ADNP: variants seen among roughly 807,000 people sequenced by gnomAD.
ADNP encodes the protein activity dependent neuroprotector homeobox.
A neutral mutation model predicts 84.9 loss-of-function variants in ADNP; 4 were observed. The observed-to-expected ratio is 0.05, with a 90% CI of 0.02 to 0.11. The LOEUF (loss-of-function observed/expected upper bound fraction) is 0.11, where lower values mean the gene tolerates loss of function less well. Among genes scored for constraint, ADNP ranks in the 10% least tolerant of loss-of-function variants. The pLI is 1.00. For missense variants in ADNP, 1,132 were observed against 1,326.0 expected (o/e 0.85, Z 2.27); for synonymous variants, 554 against 468.1 (o/e 1.18, Z -2.37).
chr20:50,921,397 A>G (rs767048857), intron 2 of ADNP, among the ~76,000 whole-genome samples: 13 of 152,362 alleles, frequency 8.5e-5, no homozygotes, highest in Non-Finnish European at 1.8e-4. Context: ...GCAACTGAAC[A>G]TCTGCAACTA....
intron 2 of ADNP, among the ~76,000 whole-genome samples, chr20:50,920,262 C>CAAAA (rs56181933): frequency 1.9e-3 from 120 of 64,124 alleles, no homozygotes; most frequent in Non-Finnish European, 2.3e-3. Context: ...ATTCCACCTC[C>CAAAA]AAAAAAAAAA....
intron 2 of ADNP, among the ~76,000 whole-genome samples, chr20:50,924,671 G>T (rs547359298): frequency 2.2e-4 from 33 of 152,268 alleles, no homozygotes; most frequent in African/African-American, 7.9e-4. Context: ...CAGCAAGGGG[G>T]CCTTTACACT....
At chr20:50,929,997 A>T (rs544197084) in intron 1 of ADNP, among the ~76,000 whole-genome samples, 1 of 151,914 alleles carries the variant, frequency 6.6e-6, no homozygotes, top group African/African-American at 2.4e-5. Flanking sequence ...GCAGAAGAGG[A>T]AGAGAAGCAA....
rs973394517 is a variant in ADNP, at chr20:50,891,196, A to AC, written c.*208_*209insG. The AC allele has an allele frequency of 1.2e-5, 16 of 1,314,060 alleles. No individual in the cohort carries two copies. In the African/African-American group the frequency reaches 2.3e-4, roughly 19 times the overall value. 81.4% of individuals were successfully genotyped at this position (1,314,060 alleles called of 1,614,324 possible). ...ACCAGCTTATTGGTTTTTCACATTT[A>AC]GTTACCGTGTCTGTCAGAGAAGGTT... On this transcript the variant is annotated 3_prime_UTR_variant, in exon 6 of 6. Transcript: ENST00000621696.
chr20:50,910,748 A>G (rs1982949271), intron 2 of ADNP, among the ~76,000 whole-genome samples: 1 of 152,086 alleles, frequency 6.6e-6, no homozygotes, highest in South Asian at 2.1e-4. Flanking sequence ...TCAATTCTCC[A>G]GGCTCAAGCA....
rs1216885211 is a variant in ADNP at position 50,889,198 on chromosome 20, C to A, written c.*2207G>T. The A allele has an allele frequency of 6.6e-6, 1 of 152,218 alleles. No homozygotes were observed. Among genetic ancestry groups the A allele is most frequent in the Non-Finnish European group, 1.5e-5 (1 of 68,048 alleles). 9.4% of individuals were successfully genotyped at this position (152,218 alleles called of 1,614,324 possible). On this transcript the variant is annotated 3_prime_UTR_variant, in exon 6 of 6. Transcript: ENST00000621696. ...CACCTTAATGAGGAAACACACTTAT[C>A]TGTGTCTGTTCCGATATCCAACTGG...
At chr20:50,902,971 T>C (rs1982131058) in intron 4 of ADNP, among the ~76,000 whole-genome samples, 1 of 152,238 alleles carries the variant, frequency 6.6e-6, no homozygotes, top group African/African-American at 2.4e-5. Context: ...TCTGTTTCCA[T>C]GCCATACTCT....
Position 50,891,423 on chromosome 20 carries a change from C to G in ADNP, c.3291G>C (p.Leu1097=). 1 of 1,607,980 alleles carries G rather than the reference C, an allele frequency of 6.2e-7. No homozygotes were observed. Among genetic ancestry groups the G allele is most frequent in the Non-Finnish European group, 8.5e-7 (1 of 1,177,862 alleles). Residue 1097 remains leucine (L), a synonymous_variant, in exon 6 of 6, where the codon CTG becomes CTC. Coordinates refer to ENST00000621696, the MANE Select transcript of ADNP (RefSeq NM_001282531.3). ...CTGGCACTTAGGCCTGTTGGCTGCT[C>G]AGTTTAACTCCGGCTAAGCTGCCAT... ...PMHGSLAGVK[L]SSQQA
At chr20:50,894,610 T>C in intron 5 of ADNP, 98 bp from the exon 6 acceptor site, 9 of 1,352,140 alleles carry the variant, frequency 6.7e-6, no homozygotes, top group Non-Finnish European at 8.9e-6. Flanking sequence ...TGCATTGATT[T>C]TAGGCCGCGC....
At position 50,891,654 on chromosome 20, in the gene ADNP, T is replaced by C. The variant is rs1980742144; in HGVS notation, c.3060A>G (p.Gln1020=). 1.9e-6 allele frequency: 3 copies of C among 1,614,150 alleles called. No individual in the cohort carries two copies. The highest frequency in any genetic ancestry group is 2.2e-5 in the East Asian group (1 of 44,906). ...TCCATTTCAACTGCTCTCTGTCACC[T>C]TGCATGGTAGCCTTTTTTTTGGCAG... is the stretch of plus-strand genomic sequence containing the variant. ...KPAAKKKATM[Q]GDREQLKWKN... The change falls in exon 6 of 6, where the codon CAA becomes CAG. Residue 1020 remains glutamine, a synonymous_variant. Transcript: ENST00000621696.
intron 2 of ADNP, among the ~76,000 whole-genome samples, chr20:50,922,517 G>C (rs1984022575): frequency 6.6e-6 from 1 of 151,432 alleles, no homozygotes; most frequent in African/African-American, 2.4e-5. Context: ...ACCCTCTCTG[G>C]GGGCGCCACC....
chr20:50,901,518 G>C (rs2122821391), intron 5 of ADNP, among the ~76,000 whole-genome samples: 1 of 152,180 alleles, frequency 6.6e-6, no homozygotes, highest in East Asian at 1.9e-4. Context: ...ATCATCTATT[G>C]ATACTTGCTG....
rs1177545262 is a variant in ADNP at position 50,931,160 on chromosome 20, G to A, written c.-599C>T. ...GCTCCTCTCGCTCCTCAGCAGCGGG[G>A]ACCGAGAGAGGGAGCTGTGTCTGAG... On this transcript the variant is annotated 5_prime_UTR_variant, in exon 1 of 6. Coordinates refer to ENST00000621696, the MANE Select transcript of ADNP (RefSeq NM_001282531.3). 1 of 151,580 alleles carries A rather than the reference G, an allele frequency of 6.6e-6. No individual in the cohort carries two copies. Among genetic ancestry groups the A allele is most frequent in the Non-Finnish European group, 1.5e-5 (1 of 67,542 alleles). The allele number at this position is 151,580 out of a possible 1,614,324, so 9.4% of individuals were successfully genotyped here.
intron 2 of ADNP, among the ~76,000 whole-genome samples, chr20:50,909,316 T>C (rs1303425099): frequency 3.3e-5 from 4 of 122,524 alleles, no homozygotes; most frequent in Admixed American, 1.2e-4. Context: ...TGAGCCGAAA[T>C]TGCACCACTG....
chr20:50,894,565 A>T lies in ADNP; in HGVS notation c.202-53T>A, dbSNP rs925267632. ...GAATGCCACTTCAGATAGGCAGTTA[A>T]CAGATTCCAGATCCCCCCCGGATAT... On this transcript the variant is annotated intron_variant, in intron 5 of 5. Coordinates refer to ENST00000621696, the MANE Select transcript of ADNP (RefSeq NM_001282531.3). 3 of 1,523,136 alleles carry T rather than the reference A, an allele frequency of 2.0e-6. No homozygotes were observed. The African/African-American group carries it at 4.2e-5, about 21-fold the overall frequency. 94.4% of individuals were successfully genotyped at this position (1,523,136 alleles called of 1,614,324 possible).
At chr20:50,917,466 T>C (rs1983601036) in intron 2 of ADNP, among the ~76,000 whole-genome samples, 1 of 152,238 alleles carries the variant, frequency 6.6e-6, no homozygotes, top group African/African-American at 2.4e-5. Flanking sequence ...GGTAATATCT[T>C]GTAAAATGAA....
intron 4 of ADNP, among the ~76,000 whole-genome samples, chr20:50,903,440 C>T (rs1157595565): frequency 6.6e-6 from 1 of 152,168 alleles, no homozygotes; most frequent in Non-Finnish European, 1.5e-5. Context: ...AAGCACGCCT[C>T]AACAATTAGA....
Position 50,902,073 on chromosome 20 carries a change from T to C in ADNP, c.145A>G (p.Lys49Glu). 6.2e-7 allele frequency: 1 copy of C among 1,613,876 alleles called. No individual in the cohort carries two copies. The highest frequency in any genetic ancestry group is 8.5e-7 in the Non-Finnish European group (1 of 1,179,776). Residue 49 changes from lysine (K) to glutamate (E), a missense_variant, in exon 5 of 6, where the codon AAA becomes GAA. Around this residue, in one of 10 missense-constraint regions of ADNP, gnomAD observed 56 missense variants for 94.6 expected, o/e 0.59. Transcript: ENST00000621696. ...KQFEPNDFYLKNTTWEDVGLW... is the reference protein window; with the variant it reads ...KQFEPNDFYLENTTWEDVGLW... The stretch of plus-strand genomic sequence containing the variant: ...CCTACATCCTCCCATGTAGTGTTTT[T>C]CAAATAAAAGTCATTAGGTTCAAAT...
Position 50,891,214 on chromosome 20 carries a change from A to C in ADNP, c.*191T>G. 1 of 1,334,290 alleles carries C rather than the reference A, an allele frequency of 7.5e-7. No individual in the cohort carries two copies. Among genetic ancestry groups the C allele is most frequent in the Non-Finnish European group, 9.5e-7 (1 of 1,048,302 alleles). The allele number at this position is 1,334,290 out of a possible 1,614,324, so 82.7% of individuals were successfully genotyped here. A position where few individuals can be genotyped will look rare whatever the true frequency, so the allele number is the denominator to read the frequency against. On this transcript the variant is annotated 3_prime_UTR_variant, in exon 6 of 6. Transcript: ENST00000621696. ...CACATTTAGTTACCGTGTCTGTCAG[A>C]GAAGGTTCTGAAGCAAGAACAGCCT...
Sources: allele counts gnomAD v4.1 joint callset (sites outside exome capture counted in the v4.1 genomes callset), GRCh38; gene constraint gnomAD v4.1.1; regional missense constraint gnomAD v4.1.1; transcripts MANE v1.5; gene names NCBI Gene and HGNC (gene_info 2026-07-23, HGNC 2026-07-21).